The following FAM227A variants were observed in gnomAD, a reference collection of about 807,000 sequenced individuals.
FAM227A encodes the protein family with sequence similarity 227 member A, also known as protein FAM227A.
A neutral mutation model predicts 74.7 loss-of-function variants in FAM227A; 80 were observed. That is an observed-to-expected ratio of 1.07 (90% CI 0.89 to 1.29). The LOEUF is 1.29. Ranked by LOEUF, FAM227A falls within the 50% of genes most tolerant of loss-of-function variation. The probability of loss-of-function intolerance (pLI) is 0.00; values close to 1 mark genes in which losing one functional copy is unlikely to be tolerated. For missense variants in FAM227A, 654 were observed against 683.4 expected (o/e 0.96, Z 0.48); for synonymous variants, 237 against 241.8 (o/e 0.98, Z 0.19).
At chr22:38,641,567 A>C (rs1311400727) in intron 3 of FAM227A, among the ~76,000 whole-genome samples, 2 of 151,394 alleles carry the variant, frequency 1.3e-5, no homozygotes, top group African/African-American at 2.4e-5. Context: ...AAAAAAAAAA[A>C]ACAAAACAAA....
chr22:38,621,673 T>C (rs1254118813), intron 10 of FAM227A, among the ~76,000 whole-genome samples: 1 of 152,196 alleles, frequency 6.6e-6, no homozygotes, highest in African/African-American at 2.4e-5. Flanking sequence ...CACCGTGCTC[T>C]GCTCTAAGGG....
chr22:38,626,891 A>AAAAAAAAAATATATATATAT (rs1555966996), intron 8 of FAM227A, among the ~76,000 whole-genome samples: 2 of 57,684 alleles, frequency 3.5e-5, no homozygotes, highest in Non-Finnish European at 2.9e-5. Flanking sequence ...AAAAAAAAAA[A>AAAAAAAAAATATATATATAT]ATATATATAT....
In FAM227A at chr22:38,645,637, T is replaced by C; in HGVS notation, c.151A>G (p.Ile51Val). The change falls in exon 3 of 17, where the codon ATT becomes GTT. Residue 51 changes from isoleucine to valine, a missense_variant. Physicochemically the swap from Ile to Val is conservative, Grantham distance 29. Coordinates refer to ENST00000535113, the MANE Select transcript of FAM227A (RefSeq NM_001013647.2). ...TGGTTCACCTGGTGCATGGAGCCAA[T>C]AAGGCATGCTGGGAGGTTAGTCTGC... Reference protein sequence around the residue: ...ELENNPPSCLIGSMHQVNQKI... With the variant: ...ELENNPPSCLVGSMHQVNQKI... 1 of 1,550,402 alleles carries C rather than the reference T, an allele frequency of 6.4e-7. No individual in the cohort carries two copies. Among genetic ancestry groups the C allele is most frequent in the Non-Finnish European group, 8.7e-7 (1 of 1,146,206 alleles).
Position 38,638,752 on chromosome 22 carries a change from T to C in FAM227A, c.366A>G (p.Ile122Met), listed in dbSNP as rs2092053563. Reference sequence around the variant, plus strand: ...ACAGCAGTAGATCCCTTACCCTTTTTATAACAGAAGATCTGGCATGTCTGA... The same window carrying C: ...ACAGCAGTAGATCCCTTACCCTTTTCATAACAGAAGATCTGGCATGTCTGA... ...SELRHARSSV[I>M]KRKTADKNLL... The change falls in exon 5 of 17, where the codon ATA becomes ATG. Residue 122 changes from isoleucine to methionine, a missense_variant. Coordinates refer to ENST00000535113, the MANE Select transcript of FAM227A (RefSeq NM_001013647.2). 3 of 1,549,356 alleles carry C rather than the reference T, an allele frequency of 1.9e-6. No individual in the cohort carries two copies. The highest frequency in any genetic ancestry group is 2.6e-6 in the Non-Finnish European group (3 of 1,145,394).
chr22:38,628,367 G>A, intron 7 of FAM227A, 25 bp from the exon 8 acceptor site: 1 of 1,460,622 alleles, frequency 6.8e-7, no homozygotes, highest in East Asian at 2.5e-5. Flanking sequence ...AATGAAAAAG[G>A]AATTACTAAA....
At chr22:38,626,891 A>AAAAAAAATAG (rs1555966996) in intron 8 of FAM227A, among the ~76,000 whole-genome samples, 1 of 57,688 alleles carries the variant, frequency 1.7e-5, no homozygotes, top group Admixed American at 2.4e-4. Flanking sequence ...AAAAAAAAAA[A>AAAAAAAATAG]ATATATATAT....
At chr22:38,608,053 G>A (rs2091325037) in intron 11 of FAM227A, among the ~76,000 whole-genome samples, 1 of 149,698 alleles carries the variant, frequency 6.7e-6, no homozygotes, top group South Asian at 2.1e-4. Context: ...TAGAAGTTAG[G>A]ATTATGTTTG....
At chr22:38,597,148 G>A (rs138598552) in intron 15 of FAM227A, 56 bp downstream of exon 15, 622 of 1,507,484 alleles carry the variant, frequency 4.1e-4, no homozygotes, top group African/African-American at 4.1e-3. Flanking sequence ...GATGATGATC[G>A]TGTGCTGCAA....
Position 38,628,297 on chromosome 22 carries a change from G to A in FAM227A, c.667C>T (p.His223Tyr). ...ACACGAAACAAAAGTAAGGCATAGT[G>A]CTGGGCTATCCGGTCAAACAGATTA... The part of the protein sequence containing the change: ...QNNLFDRIAQ[H>Y]YALLLFRVPK... The change falls in exon 8 of 17, where the codon CAC becomes TAC. Residue 223 changes from histidine (H) to tyrosine (Y), a missense_variant. Coordinates refer to ENST00000535113, the MANE Select transcript of FAM227A (RefSeq NM_001013647.2). 1 of 1,551,614 alleles carries A rather than the reference G, an allele frequency of 6.4e-7. No homozygotes were observed. The highest frequency in any genetic ancestry group is 8.7e-7 in the Non-Finnish European group (1 of 1,146,924).
rs1306531495 is a variant in FAM227A, at chr22:38,584,921, C to T, written c.*1204G>A. 4 of 151,934 alleles carry T rather than the reference C, an allele frequency of 2.6e-5. No homozygotes were observed. Among genetic ancestry groups the T allele is most frequent in the South Asian group, 2.1e-4 (1 of 4,820 alleles). The allele number at this position is 151,934 out of a possible 1,614,324, so 9.4% of individuals were successfully genotyped here. A position where few individuals can be genotyped will look rare whatever the true frequency, so the allele number is the denominator to read the frequency against. Reference sequence around the variant, plus strand: ...CAACGATTCTTCTGCCTCAGCCTCCCGAGTAGCTGGGATTACAGGTGCCCG... The same window carrying T: ...CAACGATTCTTCTGCCTCAGCCTCCTGAGTAGCTGGGATTACAGGTGCCCG... On this transcript the variant is annotated 3_prime_UTR_variant, in exon 17 of 17. Coordinates refer to ENST00000535113, the MANE Select transcript of FAM227A (RefSeq NM_001013647.2).
chr22:38,649,908 A>G (rs2092299599), intron 2 of FAM227A, 119 bp downstream of exon 2: 2 of 879,762 alleles, frequency 2.3e-6, no homozygotes, highest in Non-Finnish European at 1.7e-6. Context: ...AAATGAATGT[A>G]TAAGGGACAA....
intron 11 of FAM227A, among the ~76,000 whole-genome samples, chr22:38,616,679 A>T (rs115450686): frequency 0.02 from 2,991 of 152,070 alleles, 105 homozygotes; most frequent in African/African-American, 0.066. Flanking sequence ...AAAAAAAAAA[A>T]AATAATAAGT....
At chr22:38,586,307 A>T in intron 16 of FAM227A, 108 bp from the exon 17 acceptor site, 1 of 1,272,616 alleles carries the variant, frequency 7.9e-7, no homozygotes, top group Non-Finnish European at 1.1e-6. Context: ...CCTTGTGTGC[A>T]TGGAATATTG....
chr22:38,628,054 A>G (rs971016362), intron 8 of FAM227A, among the ~76,000 whole-genome samples, 184 bp downstream of exon 8: 2 of 152,062 alleles, frequency 1.3e-5, no homozygotes, highest in African/African-American at 4.8e-5. Flanking sequence ...ATATCATTGC[A>G]TCTCCCGATC....
chr22:38,616,680 A>T (rs962152955), intron 11 of FAM227A, among the ~76,000 whole-genome samples: 1 of 151,888 alleles, frequency 6.6e-6, no homozygotes, highest in African/African-American at 2.4e-5. Flanking sequence ...AAAAAAAAAA[A>T]ATAATAAGTT....
intron 1 of FAM227A, among the ~76,000 whole-genome samples, chr22:38,651,367 TTTTG>T (rs751479472): frequency 3.1e-4 from 47 of 152,246 alleles, no homozygotes; most frequent in East Asian, 7.7e-4. Flanking sequence ...TACCATGGTT[TTTTG>T]TTTGTTTGTT....
Position 38,580,211 on chromosome 22 carries a change from T to C in FAM227A, c.*5914A>G. Reference sequence around the variant, plus strand: ...CTGGGATTACAGGCATGGGCCACCATGCTCGGCAACCGATGTCCTCTTTTA... The same window carrying C: ...CTGGGATTACAGGCATGGGCCACCACGCTCGGCAACCGATGTCCTCTTTTA... On this transcript the variant is annotated 3_prime_UTR_variant, in exon 17 of 17. Transcript: ENST00000535113. 1 of 152,228 alleles carries C rather than the reference T, an allele frequency of 6.6e-6. No homozygotes were observed. 9.4% of individuals were successfully genotyped at this position (152,228 alleles called of 1,614,324 possible). A position where few individuals can be genotyped will look rare whatever the true frequency, so the allele number is the denominator to read the frequency against.
chr22:38,616,654 G>A (rs1416936309), intron 11 of FAM227A, among the ~76,000 whole-genome samples: 9 of 148,180 alleles, frequency 6.1e-5, no homozygotes, highest in South Asian at 2.1e-4. Context: ...CTACAGGAGC[G>A]AAACTCCATC....
In FAM227A at chr22:38,643,804, T is replaced by C. The variant is rs547105636; in HGVS notation, c.225+1759A>G. ...ATGGTACGTTCAGACAATGGAATAT[T>C]TGGCACTAAAAAGAAATGAACTATC... On this transcript the variant is annotated intron_variant, in intron 3 of 16. Coordinates refer to ENST00000535113, the MANE Select transcript of FAM227A (RefSeq NM_001013647.2). Among the ~76,000 whole-genome samples, 8 of 152,178 alleles carry C rather than the reference T, an allele frequency of 5.3e-5. No individual in the cohort carries two copies. In the South Asian group the frequency reaches 1.0e-3, roughly 20 times the overall value.
Sources: allele counts gnomAD v4.1 joint callset (sites outside exome capture counted in the v4.1 genomes callset), GRCh38; gene constraint gnomAD v4.1.1; transcripts MANE v1.5; gene names NCBI Gene and HGNC (gene_info 2026-07-23, HGNC 2026-07-21).